TMEM131L: variants seen among roughly 807,000 people sequenced by gnomAD.
The protein encoded by TMEM131L is transmembrane 131 like, also known as transmembrane protein 131-like.
A neutral mutation model predicts 192.2 loss-of-function variants in TMEM131L; 54 were observed. The ratio of observed to expected loss-of-function variants is 0.28; its 90% confidence interval spans 0.23 to 0.35. The LOEUF is 0.35. Ranked by LOEUF, TMEM131L falls within the 10% of genes least tolerant of loss-of-function variation. The pLI, the probability that TMEM131L is intolerant of heterozygous loss-of-function variation, is 1.00. For synonymous variants in TMEM131L, 701 were observed against 704.9 expected, an observed-to-expected ratio of 0.99 and a Z score of 0.09; for missense variants, 1,888 against 1,972.9, an observed-to-expected ratio of 0.96 and a Z score of 0.82.
intron 17 of TMEM131L, 101 bp from the exon 18 acceptor site, chr4:153,592,374 A>G (rs2150849145): frequency 1.3e-6 from 1 of 740,876 alleles, no homozygotes. Context: ...TTGGAGTTAC[A>G]TGATATTTCC....
intron 3 of TMEM131L, among the ~76,000 whole-genome samples, chr4:153,526,736 CAA>C (rs562115030): frequency 7.8e-5 from 9 of 115,378 alleles, no homozygotes; most frequent in Admixed American, 8.6e-5. Flanking sequence ...GACTCTGTCT[CAA>C]AAAAAAAAAA....
intron 3 of TMEM131L, among the ~76,000 whole-genome samples, chr4:153,534,668 C>T (rs1001042052): frequency 6.6e-5 from 10 of 152,242 alleles, no homozygotes; most frequent in African/African-American, 2.2e-4. Flanking sequence ...CTCCTGACCT[C>T]GTGATACGCC....
At chr4:153,470,444 C>CT (rs1281979502) in intron 2 of TMEM131L, among the ~76,000 whole-genome samples, 1 of 150,826 alleles carries the variant, frequency 6.6e-6, no homozygotes, top group Non-Finnish European at 1.5e-5. Flanking sequence ...CTAGTCATAT[C>CT]TTTTTGTTAT....
At chr4:153,580,272 A>G in intron 7 of TMEM131L, among the ~76,000 whole-genome samples, 1 of 152,164 alleles carries the variant, frequency 6.6e-6, no homozygotes. Flanking sequence ...TTCTTTTTAT[A>G]TGCTTTTGTC....
intron 31 of TMEM131L, among the ~76,000 whole-genome samples, chr4:153,628,682 C>T (rs1034966520): frequency 2.6e-5 from 4 of 152,158 alleles, no homozygotes; most frequent in Non-Finnish European, 5.9e-5. Context: ...CCATAGTTTG[C>T]AAAGGCAAGA....
At chr4:153,476,739 A>G (rs1444049928) in intron 3 of TMEM131L, among the ~76,000 whole-genome samples, 1 of 152,206 alleles carries the variant, frequency 6.6e-6, no homozygotes, top group Non-Finnish European at 1.5e-5. Context: ...TCCTTGGGTG[A>G]CGTGGAATAG....
chr4:153,632,807 G>A lies in TMEM131L; in HGVS notation c.4297G>A (p.Val1433Met). The A allele has an allele frequency of 2.5e-6, 4 of 1,614,156 alleles. No individual in the cohort carries two copies. Among genetic ancestry groups the A allele is most frequent in the Non-Finnish European group, 3.4e-6 (4 of 1,180,018 alleles). ...NCTLENGVPC[V>M]IQESAPVHNS... ...CACCCTGGAGAACGGCGTGCCTTGT[G>A]TGATTCAGGAGTCGGCCCCGGTTCA... is the stretch of plus-strand genomic sequence containing the variant. The change falls in exon 32 of 35, where the codon GTG (valine) becomes ATG (methionine). Residue 1433 changes from valine to methionine, a missense_variant. Transcript: ENST00000409959.
intron 30 of TMEM131L, among the ~76,000 whole-genome samples, chr4:153,627,089 T>G (rs1438371318): frequency 6.6e-6 from 1 of 151,872 alleles, no homozygotes; most frequent in African/African-American, 2.4e-5. Flanking sequence ...AGAGGGTGAG[T>G]TTGTGAGGAA....
chr4:153,551,768 T>G (rs1308317122), intron 4 of TMEM131L, among the ~76,000 whole-genome samples: 1 of 152,236 alleles, frequency 6.6e-6, no homozygotes, highest in East Asian at 1.9e-4. Flanking sequence ...TGTCTGTTTT[T>G]TTGAGTTTTT....
chr4:153,506,706 G>C (rs945131758), intron 3 of TMEM131L, among the ~76,000 whole-genome samples: 8 of 151,974 alleles, frequency 5.3e-5, no homozygotes, highest in Admixed American at 3.9e-4. Context: ...AGCCAGGCCT[G>C]GTGGCACATG....
intron 3 of TMEM131L, among the ~76,000 whole-genome samples, chr4:153,540,507 T>C (rs1302156795): frequency 2.6e-5 from 4 of 152,344 alleles, no homozygotes; most frequent in South Asian, 2.1e-4. Context: ...ATATGTGTTA[T>C]GTATTGTAGG....
At chr4:153,574,627 T>C (rs931704464) in intron 7 of TMEM131L, among the ~76,000 whole-genome samples, 2 of 152,234 alleles carry the variant, frequency 1.3e-5, no homozygotes, top group African/African-American at 4.8e-5. Flanking sequence ...CTTTTTGAGA[T>C]GGACTCTGTT....
intron 2 of TMEM131L, among the ~76,000 whole-genome samples, chr4:153,470,540 A>G (rs868650804): frequency 6.6e-5 from 10 of 152,338 alleles, no homozygotes; most frequent in Middle Eastern, 3.4e-3. Flanking sequence ...GGAAAAATAT[A>G]TATGATTTTA....
At chr4:153,590,526 G>A (rs927408576) in intron 16 of TMEM131L, among the ~76,000 whole-genome samples, 7 of 152,096 alleles carry the variant, frequency 4.6e-5, no homozygotes, top group African/African-American at 7.2e-5. Context: ...GATAAATTAC[G>A]GTATAAACGC....
chr4:153,466,442 CGCG>C lies in TMEM131L; in HGVS notation c.51_53del (p.Ala18del). 7.1e-7 allele frequency: 1 copy of C among 1,413,324 alleles called. No individual in the cohort carries two copies. Among genetic ancestry groups the C allele is most frequent in the Non-Finnish European group, 9.3e-7 (1 of 1,076,626 alleles). 87.5% of individuals were successfully genotyped at this position (1,413,324 alleles called of 1,614,324 possible). The stretch of plus-strand genomic sequence containing the variant: ...CGCAGCCCGGCTGCTACTGCCGCAC[CGCG>C]GCGGCCGTGAACCTCCTGCTGGGCG... On this transcript the variant is annotated inframe_deletion, in exon 1 of 35. Coordinates refer to ENST00000409959, the MANE Select transcript of TMEM131L (RefSeq NM_001131007.2).
chr4:153,562,734 G>A (rs2150527736), intron 7 of TMEM131L, among the ~76,000 whole-genome samples: 1 of 152,254 alleles, frequency 6.6e-6, no homozygotes, highest in African/African-American at 2.4e-5. Context: ...TAAGCAAGAA[G>A]GTTTAGACAG....
At chr4:153,599,895 T>TA (rs1483298511) in intron 21 of TMEM131L, among the ~76,000 whole-genome samples, 3 of 152,010 alleles carry the variant, frequency 2.0e-5, no homozygotes, top group African/African-American at 7.3e-5. Context: ...CCTTCTCTAC[T>TA]AAAAATACAA....
At chr4:153,490,541 A>G (rs1248464379) in intron 3 of TMEM131L, among the ~76,000 whole-genome samples, 1 of 152,198 alleles carries the variant, frequency 6.6e-6, no homozygotes, top group Non-Finnish European at 1.5e-5. Flanking sequence ...TTCAGGTAAT[A>G]TAGTTAGGAG....
intron 3 of TMEM131L, among the ~76,000 whole-genome samples, chr4:153,538,771 T>C (rs1736535314): frequency 6.6e-6 from 1 of 152,220 alleles, no homozygotes; most frequent in Non-Finnish European, 1.5e-5. Flanking sequence ...GTTTTCTCTC[T>C]CCTGAGAGAG....
Sources: gnomAD v4.1 joint callset for allele counts (sites outside exome capture counted in the v4.1 genomes callset) on GRCh38, gnomAD v4.1.1 for gene constraint, MANE v1.5 for transcripts, NCBI Gene and HGNC (gene_info 2026-07-23, HGNC 2026-07-21) for gene names.